The following FRMD4A variants were observed in gnomAD, a reference collection of about 807,000 sequenced individuals.
FRMD4A encodes the protein FERM domain containing 4A, also known as FERM domain-containing protein 4A.
Under a neutral mutation model 129.1 loss-of-function variants are expected in FRMD4A, and 29 were observed. The ratio of observed to expected loss-of-function variants is 0.22; its 90% confidence interval spans 0.17 to 0.31. The LOEUF (loss-of-function observed/expected upper bound fraction) is 0.31. Among genes scored for constraint, FRMD4A ranks in the 10% least tolerant of loss-of-function variants. The pLI is 1.00. For synonymous variants in FRMD4A, 634 were observed against 571.6 expected, an observed-to-expected ratio of 1.11 and a Z score of -1.56; for missense variants, 1,272 against 1,375.8, an observed-to-expected ratio of 0.92 and a Z score of 1.19.
intron 2 of FRMD4A, among the ~76,000 whole-genome samples, chr10:14,035,289 G>A (rs1833444068): frequency 6.6e-6 from 1 of 151,846 alleles, no homozygotes; most frequent in Non-Finnish European, 1.5e-5. Context: ...GCAGGCATCT[G>A]TAATCCCAGG....
intron 2 of FRMD4A, among the ~76,000 whole-genome samples, chr10:14,039,163 G>A (rs1833642220): frequency 6.6e-6 from 1 of 152,164 alleles, no homozygotes; most frequent in Non-Finnish European, 1.5e-5. Context: ...TGGCTGAAAT[G>A]CTTAGACTCA....
chr10:14,181,660 C>A (rs1194995535), intron 2 of FRMD4A, among the ~76,000 whole-genome samples: 2 of 152,128 alleles, frequency 1.3e-5, no homozygotes, highest in East Asian at 3.9e-4. Flanking sequence ...ACACTATGTT[C>A]TGATATATGT....
intron 12 of FRMD4A, chr10:13,707,429 CT>C: frequency 9.4e-7 from 1 of 1,062,722 alleles, no homozygotes; most frequent in Non-Finnish European, 1.1e-6. Context: ...GCTTGGCAGA[CT>C]TTTCCCTTCC....
intron 8 of FRMD4A, among the ~76,000 whole-genome samples, chr10:13,748,034 C>T (rs1406144902): frequency 1.3e-5 from 2 of 152,182 alleles, no homozygotes; most frequent in South Asian, 2.1e-4. Flanking sequence ...TTTCACCGTG[C>T]AGAAAGCAGG....
intron 24 of FRMD4A, chr10:13,651,165 G>A (rs1440582348): frequency 2.0e-5 from 3 of 152,232 alleles, no homozygotes; most frequent in Admixed American, 6.6e-5. Flanking sequence ...CCAGGGTGGT[G>A]CCCGGGAGAC....
chr10:13,960,894 G>A (rs1340353247), intron 2 of FRMD4A, among the ~76,000 whole-genome samples: 2 of 152,148 alleles, frequency 1.3e-5, no homozygotes, highest in Non-Finnish European at 2.9e-5. Flanking sequence ...GAGGAGGGCA[G>A]GGCAGAGTCA....
chr10:13,720,990 T>C (rs1449655246), intron 12 of FRMD4A, among the ~76,000 whole-genome samples: 3 of 152,148 alleles, frequency 2.0e-5, no homozygotes, highest in Non-Finnish European at 4.4e-5. Context: ...CCACATACCA[T>C]ATGGTTCCAT....
intron 4 of FRMD4A, among the ~76,000 whole-genome samples, chr10:13,803,113 C>T (rs2093289681): frequency 6.8e-6 from 1 of 146,732 alleles, no homozygotes; most frequent in Non-Finnish European, 1.5e-5. Context: ...GGCACCACTG[C>T]ACCCCAGCCT....
At chr10:14,157,590 C>T (rs147212702) in intron 2 of FRMD4A, among the ~76,000 whole-genome samples, 3 of 152,316 alleles carry the variant, frequency 2.0e-5, no homozygotes, top group East Asian at 1.9e-4. Context: ...CCCCAGAGTC[C>T]AGCCAACACA....
intron 2 of FRMD4A, among the ~76,000 whole-genome samples, chr10:14,193,452 A>T (rs1348836468): frequency 3.4e-5 from 5 of 145,774 alleles, no homozygotes; most frequent in Admixed American, 2.0e-4. Flanking sequence ...TACCACATAC[A>T]TACATACACC....
chr10:14,219,281 T>C (rs1178345963), intron 2 of FRMD4A, among the ~76,000 whole-genome samples: 1 of 152,144 alleles, frequency 6.6e-6, no homozygotes, highest in Admixed American at 6.6e-5. Flanking sequence ...GCAACCATTC[T>C]TCTGTGTTGG....
chr10:14,007,696 G>T (rs1033095039), intron 2 of FRMD4A, among the ~76,000 whole-genome samples: 2 of 152,166 alleles, frequency 1.3e-5, no homozygotes, highest in African/African-American at 4.8e-5. Flanking sequence ...CTGCTCTAAT[G>T]AGTATGTTTC....
intron 2 of FRMD4A, among the ~76,000 whole-genome samples, chr10:13,925,555 G>A (rs1049076741): frequency 9.3e-5 from 9 of 96,600 alleles, no homozygotes; most frequent in African/African-American, 3.1e-4. Context: ...AGTTTCTATT[G>A]TAGTGAAACG....
chr10:14,047,575 G>A (rs952875723), intron 2 of FRMD4A, among the ~76,000 whole-genome samples: 6 of 152,152 alleles, frequency 3.9e-5, no homozygotes, highest in African/African-American at 1.4e-4. Context: ...ACATATTCTT[G>A]TAAATTTCTC....
In FRMD4A at chr10:13,741,110, A is replaced by G. The variant is rs192072044; in HGVS notation, c.549-533T>C. Among the ~76,000 whole-genome samples, 656 of 152,160 alleles carry G rather than the reference A, an allele frequency of 4.3e-3. 4 individuals are homozygous for G. The highest frequency in any genetic ancestry group is 0.015 in the African/African-American group (616 of 41,544). On this transcript the variant is annotated intron_variant, in intron 9 of 24. Coordinates refer to ENST00000357447, the MANE Select transcript of FRMD4A (RefSeq NM_018027.5). ...CCAAAGTACTGGGATTACAGGCGTG[A>G]GCCACCATGGCTGGCTTATCTTGGA...
Position 13,676,578 on chromosome 10 carries a change from T to G in FRMD4A, c.1118-1534A>C, listed in dbSNP as rs140567268. Among the ~76,000 whole-genome samples the G allele has an allele frequency of 2.1e-3, 317 of 152,214 alleles. 2 individuals are homozygous for G. Among genetic ancestry groups the G allele is most frequent in the African/African-American group, 7.4e-3 (306 of 41,530 alleles). ...GCATGAGCCACCGCGCCCAGCCGAT[T>G]ACAACTTTTCTTTGCAAGCCCATCG... On this transcript the variant is annotated intron_variant, in intron 15 of 24. Transcript: ENST00000357447.
chr10:14,101,589 A>G (rs1837304243), intron 2 of FRMD4A, among the ~76,000 whole-genome samples: 1 of 152,216 alleles, frequency 6.6e-6, no homozygotes, highest in Admixed American at 6.5e-5. Context: ...ATGATGGGGA[A>G]AATGGTGAAG....
At chr10:13,999,130 C>A (rs1034901276) in intron 2 of FRMD4A, among the ~76,000 whole-genome samples, 1 of 152,096 alleles carries the variant, frequency 6.6e-6, no homozygotes, top group Non-Finnish European at 1.5e-5. Context: ...ATGTTCTTTC[C>A]CCACATGGCT....
At chr10:14,218,333 G>A (rs1404528851) in intron 2 of FRMD4A, among the ~76,000 whole-genome samples, 2 of 152,186 alleles carry the variant, frequency 1.3e-5, no homozygotes, top group East Asian at 1.9e-4. Flanking sequence ...CATCCAGTGG[G>A]CATAGTTGTT....
Sources: gnomAD v4.1 joint callset for allele counts (sites outside exome capture counted in the v4.1 genomes callset) on GRCh38, gnomAD v4.1.1 for gene constraint, MANE v1.5 for transcripts, NCBI Gene and HGNC (gene_info 2026-07-23, HGNC 2026-07-21) for gene names.